ENPP2: variants seen among roughly 807,000 people sequenced by gnomAD.
ENPP2 encodes the protein autotaxin.
A neutral mutation model predicts 120.2 loss-of-function variants in ENPP2; 51 were observed. That is an observed-to-expected ratio of 0.42 (90% CI 0.34 to 0.54). ENPP2 has a LOEUF of 0.54. Ranked by LOEUF, ENPP2 falls within the 20% of genes least tolerant of loss-of-function variation. The pLI is 0.04. For missense variants in ENPP2, 920 were observed against 1,066.5 expected (o/e 0.86, Z 1.91); for synonymous variants, 365 against 366.4 (o/e 1.00, Z 0.04).
chr8:119,600,003 T>C (rs993064839), intron 11 of ENPP2, among the ~76,000 whole-genome samples: 20 of 128,882 alleles, frequency 1.6e-4, no homozygotes, highest in Admixed American at 5.4e-4. Flanking sequence ...CAAGACTCTG[T>C]CTCAAAAAAA....
chr8:119,646,046 G>A (rs1437138118), intron 1 of ENPP2, among the ~76,000 whole-genome samples: 3 of 150,984 alleles, frequency 2.0e-5, no homozygotes, highest in Admixed American at 6.6e-5. Context: ...TCGGCTCACC[G>A]CAGCCTCCGC....
chr8:119,665,926 T>A (rs1432229569), intron 1 of ENPP2, among the ~76,000 whole-genome samples: 1 of 152,124 alleles, frequency 6.6e-6, no homozygotes, highest in South Asian at 2.1e-4. Context: ...TTTTGCAACA[T>A]CAAAAATGTG....
rs554517620 is a variant in ENPP2, at chr8:119,599,010, G to C, written c.972+1668C>G. ...GAACATGGAACTGCTTAGGTGTTTT[G>C]TTTTGTTTTGTGAACATTTTGATAA... On this transcript the variant is annotated intron_variant, in intron 11 of 24. Coordinates refer to ENST00000075322, the MANE Select transcript of ENPP2 (RefSeq NM_001040092.3). Among the ~76,000 whole-genome samples the C allele has an allele frequency of 3.9e-5, 6 of 152,250 alleles. No individual in the cohort carries two copies. In the East Asian group the frequency reaches 1.2e-3, roughly 29 times the overall value.
At chr8:119,574,601 T>C (rs535247450) in intron 19 of ENPP2, among the ~76,000 whole-genome samples, 2 of 152,224 alleles carry the variant, frequency 1.3e-5, no homozygotes, top group East Asian at 1.9e-4. Flanking sequence ...ATTCTTTTTG[T>C]ATTCCAAATT....
chr8:119,600,290 G>A (rs905202809), intron 11 of ENPP2, among the ~76,000 whole-genome samples: 1 of 152,128 alleles, frequency 6.6e-6, no homozygotes, highest in Non-Finnish European at 1.5e-5. Flanking sequence ...CAAGGGTGCT[G>A]AAATTCATTT....
At chr8:119,620,599 C>A (rs1411990574) in intron 4 of ENPP2, among the ~76,000 whole-genome samples, 1 of 152,132 alleles carries the variant, frequency 6.6e-6, no homozygotes, top group African/African-American at 2.4e-5. Context: ...GACTTACAAA[C>A]AATAGATAAA....
At chr8:119,627,214 G>T (rs1028453219) in intron 2 of ENPP2, among the ~76,000 whole-genome samples, 1 of 151,926 alleles carries the variant, frequency 6.6e-6, no homozygotes, top group Non-Finnish European at 1.5e-5. Flanking sequence ...AGAACAGAAC[G>T]AATATATGAG....
intron 1 of ENPP2, among the ~76,000 whole-genome samples, chr8:119,663,101 A>G (rs1328924408): frequency 6.7e-6 from 1 of 148,390 alleles, no homozygotes; most frequent in Non-Finnish European, 1.5e-5. Context: ...TGGGCAACAC[A>G]GTGAGAGACT....
chr8:119,644,798 T>C lies in ENPP2; in HGVS notation c.22-6271A>G, dbSNP rs1315892557. On this transcript the variant is annotated intron_variant, in intron 1 of 25. Coordinates refer to the ENPP2 transcript ENST00000427067. Reference sequence around the variant, plus strand: ...CCTAACTCTAGCTCATAATAAAACATTTTAAAATTCAAAACTCAATGTAAC... The same window carrying C: ...CCTAACTCTAGCTCATAATAAAACACTTTAAAATTCAAAACTCAATGTAAC... Among the ~76,000 whole-genome samples, 7 of 151,668 alleles carry C rather than the reference T, an allele frequency of 4.6e-5. No individual in the cohort carries two copies. In the East Asian group the frequency reaches 1.2e-3, roughly 25 times the overall value.
At chr8:119,616,509 A>G (rs1412808175) in intron 7 of ENPP2, 125 bp from the exon 8 acceptor site, 3 of 565,578 alleles carry the variant, frequency 5.3e-6, no homozygotes, top group Non-Finnish European at 9.1e-6. Context: ...ATTATATAAG[A>G]CATGTATAAC....
At chr8:119,598,969 C>A (rs1413829329) in intron 11 of ENPP2, among the ~76,000 whole-genome samples, 1 of 152,174 alleles carries the variant, frequency 6.6e-6, no homozygotes, top group Non-Finnish European at 1.5e-5. Context: ...CCCAAGAAGT[C>A]AAACTTTTAA....
chr8:119,607,861 G>A, intron 9 of ENPP2, 61 bp downstream of exon 9: 1 of 1,016,030 alleles, frequency 9.8e-7, no homozygotes, highest in South Asian at 1.4e-5. Flanking sequence ...TTAAATTGAT[G>A]TTTTAGAAAT....
chr8:119,583,023 C>T (rs929998096), intron 17 of ENPP2, among the ~76,000 whole-genome samples: 1 of 152,194 alleles, frequency 6.6e-6, no homozygotes, highest in African/African-American at 2.4e-5. Flanking sequence ...TAGAAGTCTG[C>T]CCTCTAATGA....
At chr8:119,587,123 C>T in intron 13 of ENPP2, 48 bp from the exon 14 acceptor site, 1 of 1,481,086 alleles carries the variant, frequency 6.8e-7, no homozygotes, top group Non-Finnish European at 9.3e-7. Flanking sequence ...CAACCATTAC[C>T]AAGAGAAATC....
intron 20 of ENPP2, among the ~76,000 whole-genome samples, chr8:119,570,403 T>A (rs1814867146): frequency 6.6e-6 from 1 of 152,054 alleles, no homozygotes; most frequent in Non-Finnish European, 1.5e-5. Context: ...ATATAAAGTC[T>A]ATTAAAATAA....
chr8:119,618,363 C>A (rs760959762), intron 5 of ENPP2: 2 of 471,506 alleles, frequency 4.2e-6, no homozygotes. Flanking sequence ...GTCTTCCCCA[C>A]AAAGAGACCA....
chr8:119,630,259 C>T (rs950761037), intron 2 of ENPP2, among the ~76,000 whole-genome samples: 7 of 152,078 alleles, frequency 4.6e-5, no homozygotes, highest in Non-Finnish European at 8.8e-5. Context: ...GAGGCACCCA[C>T]CACCATGTCC....
chr8:119,596,651 C>G (rs1482078815), intron 11 of ENPP2, among the ~76,000 whole-genome samples: 2 of 152,146 alleles, frequency 1.3e-5, no homozygotes, highest in African/African-American at 4.8e-5. Flanking sequence ...AACTCACTGA[C>G]AATTAAGGTT....
chr8:119,668,026 T>C lies in ENPP2; in HGVS notation c.21+5226A>G, dbSNP rs1818125134. On this transcript the variant is annotated intron_variant, in intron 1 of 25. Coordinates refer to the ENPP2 transcript ENST00000427067. ...CTCATCTTTACTCAGCCTTTGGGTC[T>C]CAATTTAGACATCACTTCCTAAAGA... Among the ~76,000 whole-genome samples the C allele has an allele frequency of 1.3e-5, 2 of 152,150 alleles. 1 individual carries two copies. The highest frequency in any genetic ancestry group is 1.3e-4 in the Admixed American group (2 of 15,278).
Sources: allele counts gnomAD v4.1 joint callset (sites outside exome capture counted in the v4.1 genomes callset), GRCh38; gene constraint gnomAD v4.1.1; transcripts MANE v1.5; gene names NCBI Gene and HGNC (gene_info 2026-07-23, HGNC 2026-07-21).